Variants in DCC observed in about 807,000 individuals in gnomAD.
The protein encoded by DCC is netrin receptor DCC.
In DCC, 58 loss-of-function variants were observed where a neutral mutation model predicts 172.5. The observed-to-expected ratio is 0.34, with a 90% CI of 0.27 to 0.42. The LOEUF (loss-of-function observed/expected upper bound fraction) is 0.42, where lower values mean the gene tolerates loss of function less well. Among genes scored for constraint, DCC ranks in the 10% least tolerant of loss-of-function variants. DCC has a pLI of 1.00. For missense variants in DCC, 1,740 were observed against 1,791.0 expected, an observed-to-expected ratio of 0.97 and a Z score of 0.51; for synonymous variants, 709 against 644.5, an observed-to-expected ratio of 1.10 and a Z score of -1.52.
intron 2 of DCC, among the ~76,000 whole-genome samples, chr18:52,792,190 G>C (rs879276515): frequency 1.3e-5 from 2 of 151,890 alleles, no homozygotes; most frequent in Non-Finnish European, 2.9e-5. Context: ...GCTCACTGTG[G>C]GGGGTGCGAG....
rs1057518248 is a variant in DCC at position 53,450,512 on chromosome 18, G to A, written c.3242G>A (p.Gly1081Glu). 1 of 1,613,890 alleles carries A rather than the reference G, an allele frequency of 6.2e-7. No homozygotes were observed. Among genetic ancestry groups the A allele is most frequent in the East Asian group, 2.2e-5 (1 of 44,852 alleles). ...TGTCTTTTCCCAGAGCCGCCAATTGGACAAATGCACCCCCCGCATGGCAGT... is the reference window on the plus strand; with the variant it reads ...TGTCTTTTCCCAGAGCCGCCAATTGAACAAATGCACCCCCCGCATGGCAGT... ...DRSTLNEPPIGQMHPPHGSVT... is the reference protein window; with the variant it reads ...DRSTLNEPPIEQMHPPHGSVT... Residue 1081 changes from glycine to glutamate, a missense_variant, in exon 23 of 29, where the codon GGA becomes GAA. Gly to Glu is a moderately conservative substitution (Grantham distance 98). Transcript: ENST00000442544.
chr18:52,540,373 G>C (rs1038329690), intron 1 of DCC, among the ~76,000 whole-genome samples: 1 of 151,968 alleles, frequency 6.6e-6, no homozygotes, highest in African/African-American at 2.4e-5. Context: ...GCTACAGTGA[G>C]CTATGATGGC....
chr18:52,505,243 A>T (rs2068574169), intron 1 of DCC, among the ~76,000 whole-genome samples: 2 of 152,152 alleles, frequency 1.3e-5, no homozygotes, highest in African/African-American at 2.4e-5. Context: ...CAGTATTTTC[A>T]TCTAATGCTC....
At chr18:53,494,207 G>A (rs962245031) in intron 26 of DCC, among the ~76,000 whole-genome samples, 12 of 152,016 alleles carry the variant, frequency 7.9e-5, no homozygotes, top group East Asian at 1.9e-4. Flanking sequence ...TATTATTTCC[G>A]TTCCTTTCCA....
At chr18:52,737,377 G>C (rs1273383977) in intron 1 of DCC, among the ~76,000 whole-genome samples, 2 of 152,042 alleles carry the variant, frequency 1.3e-5, no homozygotes, top group Non-Finnish European at 2.9e-5. Flanking sequence ...ACTCTACTGT[G>C]CAACAGCAGA....
Position 53,371,837 on chromosome 18 carries a change from T to A in DCC, c.2360-14206T>A, listed in dbSNP as rs531490607. Among the ~76,000 whole-genome samples, 4 of 152,098 alleles carry A rather than the reference T, an allele frequency of 2.6e-5. No homozygotes were observed. In the South Asian group the frequency reaches 8.3e-4, roughly 32 times the overall value. Reference sequence around the variant, plus strand: ...CAACGCTTTTCAAAGAAGACATACATGCAGCCAACAAGCATATGAAACAAT... The same window carrying A: ...CAACGCTTTTCAAAGAAGACATACAAGCAGCCAACAAGCATATGAAACAAT... On this transcript the variant is annotated intron_variant, in intron 15 of 28. Transcript: ENST00000442544.
intron 2 of DCC, among the ~76,000 whole-genome samples, chr18:52,874,772 G>A (rs2039376864): frequency 6.6e-6 from 1 of 152,128 alleles, no homozygotes; most frequent in Admixed American, 6.6e-5. Context: ...TATATTTAGA[G>A]GTCATAGAGA....
intron 5 of DCC, among the ~76,000 whole-genome samples, chr18:52,990,909 C>T (rs1231677964): frequency 6.8e-6 from 1 of 147,224 alleles, no homozygotes; most frequent in East Asian, 2.0e-4. Flanking sequence ...ATGCATGAGC[C>T]AATCAATTAA....
chr18:53,245,395 G>A (rs940630752), intron 12 of DCC, among the ~76,000 whole-genome samples: 1 of 152,102 alleles, frequency 6.6e-6, no homozygotes, highest in African/African-American at 2.4e-5. Flanking sequence ...CTGTGCCTCA[G>A]TTTACTCATT....
chr18:52,965,405 C>G (rs140652739), intron 5 of DCC, among the ~76,000 whole-genome samples: 2,044 of 152,094 alleles, frequency 0.013, 60 homozygotes, highest in African/African-American at 0.047. Flanking sequence ...CTCCTCCAAA[C>G]TATACTGTGT....
At chr18:52,490,305 A>T (rs2030436390) in intron 1 of DCC, among the ~76,000 whole-genome samples, 1 of 152,030 alleles carries the variant, frequency 6.6e-6, no homozygotes, top group Admixed American at 6.6e-5. Context: ...AAAAGAGATG[A>T]CCCTGCTTAA....
Position 53,499,434 on chromosome 18 carries a change from T to C in DCC, c.4035T>C (p.Phe1345=). 1 of 1,614,148 alleles carries C rather than the reference T, an allele frequency of 6.2e-7. No homozygotes were observed. ...CVRPTHPLRS[F]ANPLLPPPMS... ...GACCAACTCACCCACTCCGCAGCTT[T>C]GCTAATCCTTTGCTACCTCCACCAA... Residue 1345 remains phenylalanine (F), a synonymous_variant, in exon 27 of 29, where the codon TTT becomes TTC. Coordinates refer to ENST00000442544, the MANE Select transcript of DCC (RefSeq NM_005215.4).
At position 52,752,299 on chromosome 18, in the gene DCC, G is replaced by A; in HGVS notation, c.337G>A (p.Gly113Arg). 6.2e-7 allele frequency: 1 copy of A among 1,614,118 alleles called. No homozygotes were observed. The highest frequency in any genetic ancestry group is 8.5e-7 in the Non-Finnish European group (1 of 1,180,030). The change falls in exon 2 of 29, where the codon GGA becomes AGA. Residue 113 changes from glycine to arginine, a missense_variant. By Grantham distance (125) the Gly-to-Arg change is moderately radical. Transcript: ENST00000442544. ...LHSRHHKPDE[G>R]LYQCEASLGD... Reference sequence around the variant, plus strand: ...TTCCAGACACCACAAGCCAGATGAGGGACTTTACCAATGTGAGGCATCTTT... The same window carrying A: ...TTCCAGACACCACAAGCCAGATGAGAGACTTTACCAATGTGAGGCATCTTT...
Position 52,497,353 on chromosome 18 carries a change from ATACACACATATACATATGTGTATATATG to A in DCC, c.91+156478_91+156505del, listed in dbSNP as rs1279134081. Among the ~76,000 whole-genome samples the A allele has an allele frequency of 8.0e-4, 91 of 114,020 alleles. 1 individual carries two copies. The highest frequency in any genetic ancestry group is 2.6e-3 in the South Asian group (8 of 3,068). The allele number at this position is 114,020 out of a possible 152,430, so 74.8% of individuals were successfully genotyped here. Reference sequence around the variant, plus strand: ...TATATACACACGTATGCATATATATATACACACATATACATATGTGTATATATGTATACACACATATACATATGTGTAT... The same window carrying A: ...TATATACACACGTATGCATATATATATATACACACATATACATATGTGTAT... On this transcript the variant is annotated intron_variant, in intron 1 of 28. Transcript: ENST00000442544.
chr18:52,494,399 G>T (rs1389393593), intron 1 of DCC, among the ~76,000 whole-genome samples: 1 of 151,584 alleles, frequency 6.6e-6, no homozygotes, highest in African/African-American at 2.4e-5. Context: ...AAAGTCCTCA[G>T]CCATTATGTC....
chr18:52,438,131 T>A (rs1987856498), intron 1 of DCC, among the ~76,000 whole-genome samples: 1 of 151,942 alleles, frequency 6.6e-6, no homozygotes, highest in East Asian at 1.9e-4. Context: ...GGGGCCAGAG[T>A]TTCTTACTGA....
chr18:53,251,066 T>C (rs565960055), intron 12 of DCC, among the ~76,000 whole-genome samples: 20 of 152,094 alleles, frequency 1.3e-4, no homozygotes, highest in African/African-American at 4.6e-4. Flanking sequence ...CTTTCTCTTA[T>C]AGTTCCCTTA....
chr18:52,732,462 G>T (rs1429877592), intron 1 of DCC, among the ~76,000 whole-genome samples: 1 of 152,110 alleles, frequency 6.6e-6, no homozygotes, highest in Non-Finnish European at 1.5e-5. Flanking sequence ...TTCATTTATT[G>T]TTTATTTACT....
intron 27 of DCC, among the ~76,000 whole-genome samples, chr18:53,500,266 C>T (rs1951482417): frequency 6.6e-6 from 1 of 151,762 alleles, no homozygotes; most frequent in African/African-American, 2.4e-5. Flanking sequence ...AAAGAAGAAA[C>T]AGGTAGAATG....
Sources: allele counts gnomAD v4.1 joint callset (sites outside exome capture counted in the v4.1 genomes callset), GRCh38; gene constraint gnomAD v4.1.1; transcripts MANE v1.5; gene names NCBI Gene and HGNC (gene_info 2026-07-23, HGNC 2026-07-21).